Variants in APCDD1L observed in about 807,000 individuals in gnomAD.
APCDD1L encodes the protein APC down-regulated 1 like, also known as protein APCDD1-like.
Under a neutral mutation model 24.2 loss-of-function variants are expected in APCDD1L, and 21 were observed. The ratio of observed to expected loss-of-function variants is 0.87; its 90% CI spans 0.61 to 1.25. The LOEUF is 1.25. Among genes scored for constraint, APCDD1L ranks in the 50% most tolerant of loss-of-function variants. The pLI, the probability that APCDD1L is intolerant of heterozygous loss-of-function variation, is 0.00. For synonymous variants in APCDD1L, 321 were observed against 323.6 expected, an observed-to-expected ratio of 0.99 and a Z score of 0.09; for missense variants, 704 against 711.7, an observed-to-expected ratio of 0.99 and a Z score of 0.12.
chr20:58,505,172 C>T (rs1161161278), intron 1 of APCDD1L, among the ~76,000 whole-genome samples: 2 of 152,134 alleles, frequency 1.3e-5, no homozygotes, highest in Non-Finnish European at 2.9e-5. Context: ...TCCATGAAAA[C>T]ATAATTAGAA....
At chr20:58,465,344 G>A (rs528007034) in intron 3 of APCDD1L, among the ~76,000 whole-genome samples, 1 of 152,278 alleles carries the variant, frequency 6.6e-6, no homozygotes, top group East Asian at 1.9e-4. Context: ...GGGGGTGGGG[G>A]AAGGGGAGGA....
rs543985662 is a variant in APCDD1L, at chr20:58,461,305, A to G, written c.991T>C (p.Tyr331His). The G allele has an allele frequency of 2.5e-6, 4 of 1,609,186 alleles. No homozygotes were observed. In the South Asian group the frequency reaches 3.3e-5, roughly 13 times the overall value. Residue 331 changes from tyrosine to histidine, a missense_variant, in exon 4 of 4, where the codon TAT becomes CAT. Physicochemically the swap from Tyr to His is moderately conservative, Grantham distance 83. Coordinates refer to ENST00000371149, the MANE Select transcript of APCDD1L (RefSeq NM_153360.3). This position sits in a 1 kb window ranked among gnomAD's most constrained non-coding sequence, Gnocchi z 6.0. ...CCCCTGGTGTAGCGGCCGGCGGCATACACGGTGAAGGTGGGCTGCCGGCAG... is the reference window on the plus strand; with the variant it reads ...CCCCTGGTGTAGCGGCCGGCGGCATGCACGGTGAAGGTGGGCTGCCGGCAG... ...PACRQPTFTVYAAGRYTRGTP... is the reference protein window; with the variant it reads ...PACRQPTFTVHAAGRYTRGTP...
chr20:58,495,606 G>T (rs1442038124), intron 1 of APCDD1L, among the ~76,000 whole-genome samples: 1 of 152,170 alleles, frequency 6.6e-6, no homozygotes, highest in Admixed American at 6.5e-5. Flanking sequence ...TGGAACTCAG[G>T]CCCTGCCCCT....
intron 1 of APCDD1L, among the ~76,000 whole-genome samples, chr20:58,513,253 C>T (rs754410750): frequency 1.2e-4 from 18 of 152,138 alleles, no homozygotes; most frequent in Non-Finnish European, 2.4e-4. Flanking sequence ...ACAGCTGGCC[C>T]CCTTGTCACC....
rs758199450 is a variant in APCDD1L, at chr20:58,467,590, C to T, written c.257G>A (p.Arg86Gln). Residue 86 changes from arginine to glutamine, a missense_variant, in exon 3 of 4, where the codon CGA becomes CAA. Arg to Gln is a conservative substitution (Grantham distance 43). Coordinates refer to ENST00000371149, the MANE Select transcript of APCDD1L (RefSeq NM_153360.3). This position sits in a 1 kb window ranked among gnomAD's most constrained non-coding sequence, Gnocchi z 5.9. Reference sequence around the variant, plus strand: ...GTCCTCGTAGTAGAACTGGTGGGCTCGAAAGAGCCGGCTGGGGTAGAAGGT... The same window carrying T: ...GTCCTCGTAGTAGAACTGGTGGGCTTGAAAGAGCCGGCTGGGGTAGAAGGT... ...AYTFYPSRLF[R>Q]AHQFYYEDPF... 1.9e-6 allele frequency: 3 copies of T among 1,556,656 alleles called. No individual in the cohort carries two copies. Among genetic ancestry groups the T allele is most frequent in the Non-Finnish European group, 2.6e-6 (3 of 1,148,878 alleles).
At chr20:58,469,039 C>T (rs1433642103) in intron 2 of APCDD1L, among the ~76,000 whole-genome samples, 1 of 152,146 alleles carries the variant, frequency 6.6e-6, no homozygotes, top group East Asian at 1.9e-4. Flanking sequence ...GAGAGAGCAA[C>T]TTAGAACTTC....
intron 1 of APCDD1L, among the ~76,000 whole-genome samples, chr20:58,476,188 TTTTA>T (rs1437935231): frequency 6.6e-6 from 1 of 152,192 alleles, no homozygotes; most frequent in Non-Finnish European, 1.5e-5. Flanking sequence ...AAACACTTAT[TTTTA>T]TTTATTTATT....
intron 2 of APCDD1L, among the ~76,000 whole-genome samples, chr20:58,468,363 A>G (rs1417744779): frequency 6.6e-6 from 1 of 152,138 alleles, no homozygotes; most frequent in African/African-American, 2.4e-5. Flanking sequence ...CTGGTGATAC[A>G]AACAGATCCA....
intron 3 of APCDD1L, among the ~76,000 whole-genome samples, chr20:58,463,311 A>G (rs1419151486): frequency 6.6e-6 from 1 of 151,842 alleles, no homozygotes; most frequent in African/African-American, 2.4e-5. Context: ...GTGCCACCAC[A>G]CCCTCCCTTG....
chr20:58,499,190 A>C lies in APCDD1L; in HGVS notation c.49+15469T>G, dbSNP rs1476288405. On this transcript the variant is annotated intron_variant, in intron 1 of 3. Transcript: ENST00000371149. ...GGCATGGTCCAGCTGAGCTCACAGC[A>C]GGTCTGTATTTCTACCAGGGGAAGG... 2.0e-5 allele frequency among the ~76,000 whole-genome samples: 3 copies of C among 152,180 alleles called. No individual in the cohort carries two copies. The South Asian group carries it at 6.2e-4, about 32-fold the overall frequency.
chr20:58,508,929 T>A lies in APCDD1L; in HGVS notation c.49+5730A>T, dbSNP rs1990573490. Among the ~76,000 whole-genome samples the A allele has an allele frequency of 6.6e-6, 1 of 151,842 alleles. No individual in the cohort carries two copies. Among genetic ancestry groups the A allele is most frequent in the Non-Finnish European group, 1.5e-5 (1 of 67,934 alleles). Reference sequence around the variant, plus strand: ...GTGCACATGCGTGAGTGTGCATGAGTGTGCGTGAGTGTGTGTGAGTGTGCA... The same window carrying A: ...GTGCACATGCGTGAGTGTGCATGAGAGTGCGTGAGTGTGTGTGAGTGTGCA... On this transcript the variant is annotated intron_variant, in intron 1 of 3. Transcript: ENST00000371149. The surrounding 1 kb of genome is among the most constrained non-coding windows in gnomAD (Gnocchi z 4.0).
rs1422145753 is a variant in APCDD1L, at chr20:58,515,134, C to T, written c.-427G>A. The T allele has an allele frequency of 5.6e-6, 1 of 179,648 alleles. No individual in the cohort carries two copies. The highest frequency in any genetic ancestry group is 6.3e-5 in the Admixed American group (1 of 15,938). The allele number at this position is 179,648 out of a possible 1,614,324, so 11.1% of individuals were successfully genotyped here. A position where few individuals can be genotyped will look rare whatever the true frequency, so the allele number is the denominator to read the frequency against. Reference sequence around the variant, plus strand: ...AGGCAGAGCGATGCGCTCCTTGCGTCAAAGCGCACCCCTAGCCAGGCCGTT... The same window carrying T: ...AGGCAGAGCGATGCGCTCCTTGCGTTAAAGCGCACCCCTAGCCAGGCCGTT... On this transcript the variant is annotated 5_prime_UTR_variant, in exon 1 of 4. Transcript: ENST00000371149.
At chr20:58,507,758 G>A (rs1423356515) in intron 1 of APCDD1L, among the ~76,000 whole-genome samples, 1 of 152,170 alleles carries the variant, frequency 6.6e-6, no homozygotes, top group African/African-American at 2.4e-5. Flanking sequence ...ACAAGAGACA[G>A]CTAGTTTTCT....
chr20:58,489,909 G>C (rs1349236560), intron 1 of APCDD1L, among the ~76,000 whole-genome samples: 1 of 152,042 alleles, frequency 6.6e-6, no homozygotes, highest in Non-Finnish European at 1.5e-5. Flanking sequence ...AAATATTTAG[G>C]ATGGGAAAAT....
intron 1 of APCDD1L, among the ~76,000 whole-genome samples, chr20:58,471,732 G>A (rs528855477): frequency 1.1e-4 from 17 of 152,366 alleles, no homozygotes; most frequent in South Asian, 4.1e-4. Context: ...CCCAGATGAC[G>A]GGATGCTGTG....
rs1990555091 is a variant in APCDD1L, at chr20:58,508,150, C to G, written c.49+6509G>C. Reference sequence around the variant, plus strand: ...CTAAAATTTGCAGGTGAAGGGGAGGCTGGCAGCAGGGAACAGAGTTCTAGG... The same window carrying G: ...CTAAAATTTGCAGGTGAAGGGGAGGGTGGCAGCAGGGAACAGAGTTCTAGG... On this transcript the variant is annotated intron_variant, in intron 1 of 3. Transcript: ENST00000371149. The surrounding 1 kb of genome is among the most constrained non-coding windows in gnomAD (Gnocchi z 4.0). 6.6e-6 allele frequency among the ~76,000 whole-genome samples: 1 copy of G among 152,200 alleles called. No homozygotes were observed. The highest frequency in any genetic ancestry group is 1.5e-5 in the Non-Finnish European group (1 of 68,034).
At chr20:58,514,521 G>A (rs1990700917) in intron 1 of APCDD1L, 138 bp downstream of exon 1, 1 of 895,370 alleles carries the variant, frequency 1.1e-6, no homozygotes. Context: ...CTGGAGAAAG[G>A]CGCGCAGGGC....
chr20:58,490,347 C>T (rs574302091), intron 1 of APCDD1L, among the ~76,000 whole-genome samples: 75 of 152,306 alleles, frequency 4.9e-4, no homozygotes, highest in African/African-American at 1.6e-3. Context: ...CTCCACTGCC[C>T]CATGGTTCTA....
intron 1 of APCDD1L, among the ~76,000 whole-genome samples, chr20:58,503,135 C>T (rs1990473315): frequency 6.6e-6 from 1 of 152,208 alleles, no homozygotes; most frequent in African/African-American, 2.4e-5. Context: ...TAGCAAAATG[C>T]AGCTAGCCAC....
Sources: allele counts gnomAD v4.1 joint callset (sites outside exome capture counted in the v4.1 genomes callset), GRCh38; gene constraint gnomAD v4.1.1; non-coding constraint Gnocchi (gnomAD v3.1); transcripts MANE v1.5; gene names NCBI Gene and HGNC (gene_info 2026-07-23, HGNC 2026-07-21).